EHMT1: variants seen among roughly 807,000 people sequenced by gnomAD.
EHMT1 encodes the protein euchromatic histone lysine methyltransferase 1.
Under a neutral mutation model 147.2 loss-of-function variants are expected in EHMT1, and 15 were observed. The observed-to-expected ratio is 0.10, with a 90% CI of 0.07 to 0.16. EHMT1 has a LOEUF of 0.16. Ranked by LOEUF, EHMT1 falls within the 10% of genes least tolerant of loss-of-function variation. The pLI, the probability that EHMT1 is intolerant of heterozygous loss-of-function variation, is 1.00. For missense variants in EHMT1, 1,587 were observed against 1,772.4 expected (o/e 0.90, Z 1.88); for synonymous variants, 795 against 709.6 (o/e 1.12, Z -1.91).
chr9:137,626,884 C>G (rs973592998), intron 1 of EHMT1, among the ~76,000 whole-genome samples: 2 of 151,018 alleles, frequency 1.3e-5, no homozygotes, highest in East Asian at 1.9e-4. Context: ...ATCCTAGGTT[C>G]GAGCAATTCT....
chr9:137,682,244 G>A (rs1331678268), intron 1 of EHMT1, among the ~76,000 whole-genome samples: 5 of 152,090 alleles, frequency 3.3e-5, no homozygotes, highest in East Asian at 1.9e-4. Flanking sequence ...CACCGTGTCC[G>A]GCCAAAATCG....
chr9:137,773,602 G>C (rs982188399), intron 10 of EHMT1, among the ~76,000 whole-genome samples: 1 of 152,154 alleles, frequency 6.6e-6, no homozygotes, highest in African/African-American at 2.4e-5. Flanking sequence ...ACATGTTTGT[G>C]CACTTAATTA....
Position 137,786,705 on chromosome 9 carries a change from TC to T in EHMT1, c.2383-4139del. On this transcript the variant is annotated intron_variant, in intron 15 of 26. Coordinates refer to ENST00000460843, the MANE Select transcript of EHMT1 (RefSeq NM_024757.5). The surrounding 1 kb of genome is among the most constrained non-coding windows in gnomAD (Gnocchi z 4.3). ...GGTCTTGGTCTCATGTGGTGTCATC[TC>T]CCCTGGGCTCCCATCTTGGCCGTGT... The T allele has an allele frequency of 6.5e-6, 1 of 154,074 alleles. No individual in the cohort carries two copies. The highest frequency in any genetic ancestry group is 1.4e-5 in the Non-Finnish European group (1 of 69,518). The allele number at this position is 154,074 out of a possible 1,614,324, so 9.5% of individuals were successfully genotyped here.
chr9:137,814,529 G>C (rs763252984), intron 22 of EHMT1, 21 bp downstream of exon 22: 1 of 1,601,814 alleles, frequency 6.2e-7, no homozygotes, highest in Non-Finnish European at 8.5e-7. Flanking sequence ...CCTCGTGTGC[G>C]TGGGCTCAGG....
intron 25 of EHMT1, among the ~76,000 whole-genome samples, chr9:137,833,598 C>T (rs546349647): frequency 4.3e-4 from 65 of 152,340 alleles, no homozygotes; most frequent in African/African-American, 1.4e-3. Flanking sequence ...GTGGTTAGGT[C>T]AGGCCCACCC....
chr9:137,788,618 C>G (rs2137045696), intron 15 of EHMT1: 1 of 152,518 alleles, frequency 6.6e-6, no homozygotes, highest in Admixed American at 6.5e-5. Context: ...CTGCAGGTGT[C>G]TCTTGTCCCC....
chr9:137,811,220 AATTAT>A (rs754546428), intron 18 of EHMT1, among the ~76,000 whole-genome samples: 46 of 152,148 alleles, frequency 3.0e-4, no homozygotes, highest in Non-Finnish European at 5.7e-4. Flanking sequence ...CTACTTTTAT[AATTAT>A]GTTATTTTTA....
At chr9:137,669,289 T>C (rs545033277) in intron 1 of EHMT1, among the ~76,000 whole-genome samples, 14 of 97,524 alleles carry the variant, frequency 1.4e-4, no homozygotes, top group Admixed American at 1.1e-3. Flanking sequence ...GGTCTCCTGC[T>C]TAAAGAGCAG....
chr9:137,829,360 A>C (rs1956041098), intron 25 of EHMT1, among the ~76,000 whole-genome samples: 1 of 152,238 alleles, frequency 6.6e-6, no homozygotes, highest in Non-Finnish European at 1.5e-5. Flanking sequence ...AAGCAGAGAG[A>C]ATCAGGAGAG....
intron 24 of EHMT1, 116 bp downstream of exon 24, chr9:137,817,641 C>T (rs774215838): frequency 6.2e-5 from 83 of 1,343,506 alleles, no homozygotes; most frequent in Non-Finnish European, 7.7e-5. Context: ...CGTACAGCAG[C>T]GTGGGGTGGG....
intron 1 of EHMT1, among the ~76,000 whole-genome samples, chr9:137,628,926 G>T (rs1183092924): frequency 2.6e-5 from 4 of 151,866 alleles, no homozygotes; most frequent in Non-Finnish European, 2.9e-5. Context: ...AAATAATTTG[G>T]CTTATAAGAA....
intron 1 of EHMT1, among the ~76,000 whole-genome samples, chr9:137,637,059 G>A (rs1010190643): frequency 3.3e-5 from 5 of 151,530 alleles, no homozygotes; most frequent in African/African-American, 1.2e-4. Flanking sequence ...TACCACGCCT[G>A]GCTATTTTTT....
rs1380678508 is a variant in EHMT1, at chr9:137,834,995, C to T, written c.*42C>T. The T allele has an allele frequency of 2.8e-5, 39 of 1,369,138 alleles. No individual in the cohort carries two copies. Among genetic ancestry groups the T allele is most frequent in the Admixed American group, 3.8e-5 (1 of 26,520 alleles). The allele number at this position is 1,369,138 out of a possible 1,614,324, so 84.8% of individuals were successfully genotyped here. ...GGGGCGCTCGGGAGCCAGGGACCGC[C>T]GCGTCGCCGATTAGAGGACGAGGAG... On this transcript the variant is annotated 3_prime_UTR_variant, in exon 27 of 27. Coordinates refer to ENST00000460843, the MANE Select transcript of EHMT1 (RefSeq NM_024757.5).
intron 25 of EHMT1, among the ~76,000 whole-genome samples, chr9:137,821,931 T>C (rs1262398873): frequency 6.6e-6 from 1 of 152,250 alleles, no homozygotes. Context: ...AATTTTTTTC[T>C]CTTGGATCAA....
intron 13 of EHMT1, among the ~76,000 whole-genome samples, 153 bp from the exon 14 acceptor site, chr9:137,779,482 G>A (rs1446570119): frequency 1.3e-5 from 2 of 152,196 alleles, no homozygotes; most frequent in African/African-American, 4.8e-5. Context: ...GCAGACGTCT[G>A]CCGGGCCTTC....
chr9:137,633,242 G>A (rs535407855), intron 1 of EHMT1, among the ~76,000 whole-genome samples: 2 of 152,018 alleles, frequency 1.3e-5, no homozygotes, highest in Non-Finnish European at 2.9e-5. Context: ...TAGTATTTCA[G>A]ACTCATGCAC....
intron 8 of EHMT1, 93 bp downstream of exon 8, chr9:137,754,384 A>G (rs1040853944): frequency 1.4e-5 from 21 of 1,545,006 alleles, no homozygotes; most frequent in Non-Finnish European, 1.8e-5. Flanking sequence ...GTAGGATTTC[A>G]TTAGAAAAGA....
chr9:137,810,294 A>ATG (rs1954356593), intron 18 of EHMT1, among the ~76,000 whole-genome samples: 1 of 135,374 alleles, frequency 7.4e-6, no homozygotes, highest in African/African-American at 3.1e-5. Context: ...CCTGCGTGAA[A>ATG]GGCGCTCCTC....
intron 22 of EHMT1, chr9:137,815,623 C>A: frequency 2.5e-6 from 1 of 403,106 alleles, no homozygotes. Flanking sequence ...AGCAGAGCAA[C>A]CCAGGAGCTG....
Sources: allele counts gnomAD v4.1 joint callset (sites outside exome capture counted in the v4.1 genomes callset), GRCh38; gene constraint gnomAD v4.1.1; non-coding constraint Gnocchi (gnomAD v3.1); transcripts MANE v1.5; gene names NCBI Gene and HGNC (gene_info 2026-07-23, HGNC 2026-07-21).